Variants in HMCN1 observed in about 807,000 individuals in gnomAD.
HMCN1 encodes the protein hemicentin 1, also known as hemicentin-1.
Under a neutral mutation model 625.9 loss-of-function variants are expected in HMCN1, and 321 were observed. The observed-to-expected ratio is 0.51, with a 90% CI of 0.47 to 0.56. The LOEUF is 0.56. Among genes scored for constraint, HMCN1 ranks in the 20% least tolerant of loss-of-function variants. The pLI, the probability that HMCN1 is intolerant of heterozygous loss-of-function variation, is 0.00. For missense variants in HMCN1, 6,588 were observed against 6,887.3 expected, an observed-to-expected ratio of 0.96 and a Z score of 1.54; for synonymous variants, 2,425 against 2,417.6, an observed-to-expected ratio of 1.00 and a Z score of -0.09.
rs1659936023 is a variant in HMCN1 at position 186,093,168 on chromosome 1, G to A, written c.9922G>A (p.Gly3308Arg). ...SANGSTLNIY[G>R]ALTSDTGKYT... Reference sequence around the variant, plus strand: ...AAATGGCAGCACATTAAACATTTATGGAGCTCTTACATCTGACACGGGGAA... The same window carrying A: ...AAATGGCAGCACATTAAACATTTATAGAGCTCTTACATCTGACACGGGGAA... The change falls in exon 65 of 107, where the codon GGA (glycine) becomes AGA (arginine). Residue 3308 changes from glycine to arginine, a missense_variant. By Grantham distance (125) the Gly-to-Arg change is moderately radical. This residue lies in a region of HMCN1 where 4,628 missense variants were observed against 4,853.1 expected (regional missense o/e 0.95). Coordinates refer to ENST00000271588, the MANE Select transcript of HMCN1 (RefSeq NM_031935.3). 1 of 1,613,284 alleles carries A rather than the reference G, an allele frequency of 6.2e-7. No homozygotes were observed. The highest frequency in any genetic ancestry group is 8.5e-7 in the Non-Finnish European group (1 of 1,179,530).
intron 97 of HMCN1, among the ~76,000 whole-genome samples, chr1:186,160,583 CT>C (rs1357438669): frequency 6.6e-6 from 1 of 152,002 alleles, no homozygotes; most frequent in African/African-American, 2.4e-5. Context: ...CCTCTACACA[CT>C]GCTTTGTATG....
At chr1:186,168,922 C>T (rs1460216273) in intron 100 of HMCN1, among the ~76,000 whole-genome samples, 1 of 152,138 alleles carries the variant, frequency 6.6e-6, no homozygotes, top group Non-Finnish European at 1.5e-5. Flanking sequence ...TAACCCCCGC[C>T]CAATCCCTCA....
chr1:186,133,106 G>A (rs1662032339), intron 86 of HMCN1, among the ~76,000 whole-genome samples: 1 of 152,100 alleles, frequency 6.6e-6, no homozygotes, highest in South Asian at 2.1e-4. Context: ...AGTCAGTGTG[G>A]TGACTCCTGG....
rs1661465974 is a variant in HMCN1 at position 186,122,957 on chromosome 1, C to T, written c.12236C>T (p.Pro4079Leu). The T allele has an allele frequency of 6.2e-7, 1 of 1,613,604 alleles. No individual in the cohort carries two copies. The highest frequency in any genetic ancestry group is 8.5e-7 in the Non-Finnish European group (1 of 1,179,962). Residue 4079 changes from proline to leucine, a missense_variant, in exon 81 of 107, where the codon CCA becomes CTA. Physicochemically the swap from Pro to Leu is moderately conservative, Grantham distance 98. This residue lies in a region of HMCN1 where 1,954 missense variants were observed against 2,013.1 expected (regional missense o/e 0.97). Coordinates refer to ENST00000271588, the MANE Select transcript of HMCN1 (RefSeq NM_031935.3). ...GKIKLNVQVP[P>L]VISPHLKEYV... The stretch of plus-strand genomic sequence containing the variant: ...TATTTTTTGTATATTTTAGTTCCTC[C>T]AGTCATTAGCCCTCATCTAAAGGAA...
intron 66 of HMCN1, among the ~76,000 whole-genome samples, chr1:186,093,899 A>G (rs972051552): frequency 6.6e-6 from 1 of 152,086 alleles, no homozygotes; most frequent in Admixed American, 6.6e-5. Flanking sequence ...GGTCTTTTAT[A>G]GACAGGTTTG....
At chr1:185,946,882 A>G (rs1571598980) in intron 11 of HMCN1, among the ~76,000 whole-genome samples, 1 of 152,216 alleles carries the variant, frequency 6.6e-6, no homozygotes, top group East Asian at 1.9e-4. Flanking sequence ...TACTGGGGAA[A>G]CAGAAACTAG....
At chr1:185,836,504 ATAT>A (rs994931642) in intron 1 of HMCN1, among the ~76,000 whole-genome samples, 1 of 152,120 alleles carries the variant, frequency 6.6e-6, no homozygotes, top group African/African-American at 2.4e-5. Flanking sequence ...TTGATTCCTA[ATAT>A]TATTTAGAGA....
intron 86 of HMCN1, among the ~76,000 whole-genome samples, chr1:186,133,035 C>A (rs1662028596): frequency 6.6e-6 from 1 of 152,176 alleles, no homozygotes; most frequent in African/African-American, 2.4e-5. Flanking sequence ...TTAATCCAGT[C>A]TATCATTGTT....
At chr1:185,743,350 T>C (rs1412346213) in intron 1 of HMCN1, among the ~76,000 whole-genome samples, 1 of 152,248 alleles carries the variant, frequency 6.6e-6, no homozygotes, top group East Asian at 1.9e-4. Flanking sequence ...GCCTTTTTGG[T>C]GATAATATAT....
chr1:186,110,739 A>G (rs1174823198), intron 71 of HMCN1, among the ~76,000 whole-genome samples: 2 of 152,110 alleles, frequency 1.3e-5, no homozygotes, highest in South Asian at 2.1e-4. Flanking sequence ...CCCAGGACAC[A>G]GTTGAATAGG....
At chr1:185,957,272 TATTA>T (rs1013260408) in intron 11 of HMCN1, 5 of 152,330 alleles carry the variant, frequency 3.3e-5, no homozygotes, top group African/African-American at 9.6e-5. Flanking sequence ...GTATTGTTTA[TATTA>T]ATTCACCCCA....
At chr1:185,744,853 C>T (rs1418254044) in intron 1 of HMCN1, among the ~76,000 whole-genome samples, 2 of 152,120 alleles carry the variant, frequency 1.3e-5, no homozygotes, top group African/African-American at 4.8e-5. Context: ...TAAGAAGTGA[C>T]ATGATTGGGT....
intron 1 of HMCN1, among the ~76,000 whole-genome samples, chr1:185,774,741 G>T (rs1656481998): frequency 2.6e-5 from 4 of 152,028 alleles, no homozygotes; most frequent in Admixed American, 2.6e-4. Context: ...AGTAGTAACT[G>T]AAAAAAACGC....
chr1:185,971,797 T>C (rs1558106434), intron 15 of HMCN1, among the ~76,000 whole-genome samples: 1 of 152,184 alleles, frequency 6.6e-6, no homozygotes, highest in Non-Finnish European at 1.5e-5. Flanking sequence ...CACTCTGCAT[T>C]CTTGGTGATT....
At chr1:186,181,376 A>G (rs1461438199) in intron 104 of HMCN1, among the ~76,000 whole-genome samples, 7 of 152,132 alleles carry the variant, frequency 4.6e-5, no homozygotes, top group African/African-American at 1.7e-4. Flanking sequence ...ATTATCATCT[A>G]TTCTCACCCT....
chr1:185,906,662 G>T (rs2102445060), intron 4 of HMCN1, among the ~76,000 whole-genome samples: 1 of 151,846 alleles, frequency 6.6e-6, no homozygotes, highest in South Asian at 2.1e-4. Context: ...AAGGATGTAT[G>T]TAAAAAATGA....
intron 1 of HMCN1, among the ~76,000 whole-genome samples, chr1:185,752,272 C>T (rs1166990481): frequency 6.6e-6 from 1 of 151,914 alleles, no homozygotes; most frequent in African/African-American, 2.4e-5. Flanking sequence ...AGGAATTTTT[C>T]CTTGTTTTAC....
chr1:186,097,501 CAA>C (rs34449166), intron 68 of HMCN1, among the ~76,000 whole-genome samples: 23 of 143,186 alleles, frequency 1.6e-4, no homozygotes, highest in South Asian at 4.5e-4. Flanking sequence ...CAATAGCTAT[CAA>C]AAAAAAAAAA....
intron 1 of HMCN1, among the ~76,000 whole-genome samples, chr1:185,738,112 A>G (rs1478665330): frequency 6.6e-6 from 1 of 152,192 alleles, no homozygotes; most frequent in Non-Finnish European, 1.5e-5. Flanking sequence ...CACTTTCACA[A>G]TCACACTTAA....
Sources: gnomAD v4.1 joint callset for allele counts (sites outside exome capture counted in the v4.1 genomes callset) on GRCh38, gnomAD v4.1.1 for gene constraint, gnomAD v4.1.1 regional missense constraint, MANE v1.5 for transcripts, NCBI Gene and HGNC (gene_info 2026-07-23, HGNC 2026-07-21) for gene names.